TAOK3: variants seen among roughly 807,000 people sequenced by gnomAD.
TAOK3 encodes serine/threonine-protein kinase TAO3.
A neutral mutation model predicts 120.4 loss-of-function variants in TAOK3; 40 were observed. That is an observed-to-expected ratio of 0.33 (90% CI 0.26 to 0.43). The LOEUF (loss-of-function observed/expected upper bound fraction) is 0.43. TAOK3 is among the 20% of genes least tolerant of loss of function. The pLI is 1.00. For synonymous variants in TAOK3, 355 were observed against 387.5 expected, an observed-to-expected ratio of 0.92 and a Z score of 0.99; for missense variants, 821 against 1,112.1, an observed-to-expected ratio of 0.74 and a Z score of 3.72.
chr12:118,274,744 T>C (rs1182224532), intron 1 of TAOK3, among the ~76,000 whole-genome samples: 1 of 151,940 alleles, frequency 6.6e-6, no homozygotes. Flanking sequence ...TTCTCGTGCC[T>C]CAATGTCCCA....
intron 10 of TAOK3, 145 bp downstream of exon 10, chr12:118,213,872 T>C: frequency 1.4e-6 from 1 of 696,888 alleles, no homozygotes; most frequent in Non-Finnish European, 2.4e-6. Flanking sequence ...CAGTTGATGC[T>C]TGTGAGGCAT....
chr12:118,292,705 T>C (rs17512407), intron 1 of TAOK3, among the ~76,000 whole-genome samples: 14,372 of 152,226 alleles, frequency 0.094, 860 homozygotes, highest in Non-Finnish European at 0.13. Context: ...TCAGAATTAG[T>C]GGCTTGATAA....
intron 1 of TAOK3, among the ~76,000 whole-genome samples, chr12:118,345,783 T>C (rs1593636767): frequency 6.6e-6 from 1 of 151,012 alleles, no homozygotes; most frequent in African/African-American, 2.4e-5. Flanking sequence ...AAACCAAGAG[T>C]TGTATTGGGG....
Position 118,294,258 on chromosome 12 carries a change from C to T in TAOK3, c.-193-27499G>A, listed in dbSNP as rs570524752. On this transcript the variant is annotated intron_variant, in intron 1 of 20. Coordinates refer to ENST00000392533, the MANE Select transcript of TAOK3 (RefSeq NM_016281.4). ...CAATCAAAGGAAGATTTTCATCCCC[C>T]GCAAACTTCCCTTTTGCTCCTCTGC... Among the ~76,000 whole-genome samples the T allele has an allele frequency of 2.5e-4, 38 of 152,224 alleles. 1 individual carries two copies. In the South Asian group the frequency reaches 7.0e-3, roughly 28 times the overall value.
chr12:118,225,657 A>G (rs1045478291), intron 9 of TAOK3, among the ~76,000 whole-genome samples: 3 of 152,214 alleles, frequency 2.0e-5, no homozygotes, highest in Non-Finnish European at 4.4e-5. Context: ...AATATTCACC[A>G]CGATTTTATA....
chr12:118,192,619 T>C (rs2037491821), intron 13 of TAOK3, among the ~76,000 whole-genome samples: 2 of 152,342 alleles, frequency 1.3e-5, no homozygotes, highest in South Asian at 4.1e-4. Context: ...TATGAAGCTA[T>C]TTAAAAATGG....
chr12:118,316,105 C>A (rs577530290), intron 1 of TAOK3, among the ~76,000 whole-genome samples: 2 of 152,320 alleles, frequency 1.3e-5, no homozygotes, highest in Admixed American at 1.3e-4. Flanking sequence ...TGATTTCTTA[C>A]ATCTCCCTTC....
intron 1 of TAOK3, among the ~76,000 whole-genome samples, chr12:118,338,469 T>A (rs1166701903): frequency 6.6e-6 from 1 of 152,038 alleles, no homozygotes; most frequent in Admixed American, 6.6e-5. Flanking sequence ...ATGGTTACAA[T>A]ACAGTACAAA....
intron 1 of TAOK3, among the ~76,000 whole-genome samples, chr12:118,342,540 T>C (rs1006565521): frequency 6.6e-6 from 1 of 152,198 alleles, no homozygotes; most frequent in Non-Finnish European, 1.5e-5. Context: ...TACTATGCCA[T>C]GACAAGATAA....
intron 15 of TAOK3, among the ~76,000 whole-genome samples, chr12:118,177,823 CAAAAAAAGAAAAAAA>C (rs929092862): frequency 6.8e-6 from 1 of 147,402 alleles, no homozygotes; most frequent in African/African-American, 2.5e-5. Flanking sequence ...AACTCTGTCT[CAAAAAAAGAAAAAAA>C]AGAAAAAGAA....
Position 118,181,352 on chromosome 12 carries a change from C to G in TAOK3, c.1566+19G>C. On this transcript the variant is annotated intron_variant, in intron 15 of 20. Coordinates refer to ENST00000392533, the MANE Select transcript of TAOK3 (RefSeq NM_016281.4). ...GCTGGGCTTGGTTGTGGCATGAAGG[C>G]GTGTGTGCACATACTGACCTCCTTT... The G allele has an allele frequency of 6.3e-7, 1 of 1,586,910 alleles. No homozygotes were observed.
At chr12:118,157,444 C>G (rs114623980) in intron 19 of TAOK3, among the ~76,000 whole-genome samples, 3,149 of 152,296 alleles carry the variant, frequency 0.021, 44 homozygotes, top group Middle Eastern at 0.048. Context: ...TCATGTTAGT[C>G]CTCTCCTAGT....
chr12:118,209,717 C>CTTCT lies in TAOK3; in HGVS notation c.819+3196_819+3197insAGAA, dbSNP rs1555222062. Among the ~76,000 whole-genome samples, 1,190 of 142,640 alleles carry CTTCT rather than the reference C, an allele frequency of 8.3e-3. 9 individuals carry two copies. Among genetic ancestry groups the CTTCT allele is most frequent in the African/African-American group, 0.028 (1,076 of 38,308 alleles). 93.6% of individuals were successfully genotyped at this position (142,640 alleles called of 152,430 possible). On this transcript the variant is annotated intron_variant, in intron 11 of 20. Coordinates refer to ENST00000392533, the MANE Select transcript of TAOK3 (RefSeq NM_016281.4). ...CCCGGCTCTTCTTCTTCTTCTTCTT[C>CTTCT]TTTTTTTTTTTTTGAGACAGGGTTT...
At chr12:118,294,678 T>G (rs2042609464) in intron 1 of TAOK3, among the ~76,000 whole-genome samples, 2 of 152,008 alleles carry the variant, frequency 1.3e-5, no homozygotes, top group Non-Finnish European at 2.9e-5. Context: ...AGCCTAGAAT[T>G]TCATATGAAT....
intron 16 of TAOK3, among the ~76,000 whole-genome samples, chr12:118,175,963 G>A (rs1404462432): frequency 6.6e-6 from 1 of 152,160 alleles, no homozygotes; most frequent in African/African-American, 2.4e-5. Flanking sequence ...ACAGTTGTGA[G>A]CAAACAAAAA....
intron 1 of TAOK3, among the ~76,000 whole-genome samples, chr12:118,333,690 A>C (rs1391833964): frequency 1.3e-5 from 2 of 151,980 alleles, no homozygotes; most frequent in Admixed American, 6.6e-5. Context: ...ATGAAATCAA[A>C]ACTAGTTATT....
At chr12:118,311,964 C>T (rs2043280402) in intron 1 of TAOK3, among the ~76,000 whole-genome samples, 1 of 152,068 alleles carries the variant, frequency 6.6e-6, no homozygotes, top group African/African-American at 2.4e-5. Flanking sequence ...TGGCAAGAAG[C>T]AGCACAAAGA....
At chr12:118,287,330 T>C (rs1355597881) in intron 1 of TAOK3, among the ~76,000 whole-genome samples, 1 of 152,192 alleles carries the variant, frequency 6.6e-6, no homozygotes, top group Non-Finnish European at 1.5e-5. Flanking sequence ...CTCTGCTCAC[T>C]GCAGCCTCCA....
chr12:118,213,132 T>G (rs1337175666), intron 10 of TAOK3, 137 bp from the exon 11 acceptor site: 3 of 487,566 alleles, frequency 6.2e-6, no homozygotes, highest in African/African-American at 3.9e-5. Context: ...TCAGGATAAC[T>G]GGAGCATTTT....
Sources: allele counts gnomAD v4.1 joint callset (sites outside exome capture counted in the v4.1 genomes callset), GRCh38; gene constraint gnomAD v4.1.1; transcripts MANE v1.5; gene names NCBI Gene and HGNC (gene_info 2026-07-23, HGNC 2026-07-21).